The following PPHLN1 variants were observed in gnomAD, a reference collection of about 807,000 sequenced individuals.
PPHLN1 encodes periphilin 1, also known as periphilin-1.
Under a neutral mutation model 51.3 loss-of-function variants are expected in PPHLN1, and 29 were observed. The observed-to-expected ratio is 0.57, with a 90% CI of 0.42 to 0.77. PPHLN1 has a LOEUF of 0.77. Ranked by LOEUF, PPHLN1 falls within the 30% of genes least tolerant of loss-of-function variation. PPHLN1 has a pLI of 0.00. For synonymous variants in PPHLN1, 147 were observed against 147.8 expected (o/e 0.99, Z 0.04); for missense variants, 436 against 438.4 (o/e 0.99, Z 0.05).
intron 6 of PPHLN1, among the ~76,000 whole-genome samples, chr12:42,385,748 T>A (rs924889415): frequency 4.6e-5 from 7 of 152,194 alleles, no homozygotes; most frequent in Non-Finnish European, 7.3e-5. Flanking sequence ...AAAGTGAGGT[T>A]CATCTTTTTA....
intron 9 of PPHLN1, among the ~76,000 whole-genome samples, chr12:42,409,909 TTTATA>T (rs1206813469): frequency 6.6e-6 from 1 of 152,120 alleles, no homozygotes; most frequent in Non-Finnish European, 1.5e-5. Flanking sequence ...GTTCTCCAGT[TTTATA>T]TTATATCTCT....
chr12:42,420,068 G>T lies in PPHLN1; in HGVS notation c.909+21074G>T, dbSNP rs150538363. On this transcript the variant is annotated intron_variant, in intron 9 of 9. Coordinates refer to ENST00000358314, the MANE Select transcript of PPHLN1 (RefSeq NM_201439.2). The stretch of plus-strand genomic sequence containing the variant: ...CTTTGCCATCAAAAAATAGAGTACA[G>T]AATGCAGCTGCTACACAATTGAGCT... Among the ~76,000 whole-genome samples, 1,231 of 152,246 alleles carry T rather than the reference G, an allele frequency of 8.1e-3. 12 individuals carry two copies. The highest frequency in any genetic ancestry group is 0.031 in the Middle Eastern group (9 of 294).
At chr12:42,431,964 A>G in intron 9 of PPHLN1, 4 of 1,489,730 alleles carry the variant, frequency 2.7e-6, no homozygotes, top group Non-Finnish European at 3.8e-6. Context: ...ATTTGCTGGC[A>G]TCAGTGTCTG....
At chr12:42,446,027 C>T (rs1265765928), downstream of PPHLN1, 5 of 1,549,664 alleles carry the variant, frequency 3.2e-6, no homozygotes, top group Non-Finnish European at 8.7e-7. Flanking sequence ...GGGGCTAGGA[C>T]CCAACCAAGT....
intron 9 of PPHLN1, among the ~76,000 whole-genome samples, chr12:42,417,519 G>A (rs1019425971): frequency 5.9e-5 from 9 of 152,076 alleles, no homozygotes; most frequent in Admixed American, 3.9e-4. Flanking sequence ...AAGTCAACAA[G>A]AGAGACTAAG....
At position 42,417,798 on chromosome 12, in the gene PPHLN1, G is replaced by C. The variant is rs577608888; in HGVS notation, c.909+18804G>C. On this transcript the variant is annotated intron_variant, in intron 9 of 9. Transcript: ENST00000358314. The stretch of plus-strand genomic sequence containing the variant: ...AAGTTCGACCAGTTCTGAGTAACTA[G>C]ATTATTGGGACATTTCAAAATTAAA... Among the ~76,000 whole-genome samples, 32 of 150,902 alleles carry C rather than the reference G, an allele frequency of 2.1e-4. No individual in the cohort carries two copies. In the South Asian group the frequency reaches 5.9e-3, roughly 28 times the overall value.
intron 4 of PPHLN1, among the ~76,000 whole-genome samples, chr12:42,359,855 C>G (rs1440422928): frequency 6.6e-6 from 1 of 152,062 alleles, no homozygotes; most frequent in African/African-American, 2.4e-5. Context: ...CGCCTGTAAT[C>G]CCAACATTTT....
chr12:42,404,793 G>A (rs1009891351), intron 9 of PPHLN1, among the ~76,000 whole-genome samples: 7 of 152,186 alleles, frequency 4.6e-5, no homozygotes, highest in South Asian at 2.1e-4. Flanking sequence ...ACTTTGGGAG[G>A]CTGAAGCAGG....
chr12:42,391,632 A>T (rs78547029), intron 7 of PPHLN1, among the ~76,000 whole-genome samples: 4,222 of 152,188 alleles, frequency 0.028, 218 homozygotes, highest in African/African-American at 0.097. Context: ...CCCCTGGAAA[A>T]AAAAACAACT....
At chr12:42,445,214 C>T (rs191868459), downstream of PPHLN1, 150 of 677,102 alleles carry the variant, frequency 2.2e-4, 1 homozygote, top group East Asian at 3.9e-3. Context: ...ATCAAGCAGA[C>T]CTGCAGGTTA....
At chr12:42,326,251 C>G (rs1036057526) in intron 1 of PPHLN1, 22 bp downstream of exon 1, 6 of 152,158 alleles carry the variant, frequency 3.9e-5, no homozygotes, top group African/African-American at 1.4e-4. Context: ...TTACCTTTCC[C>G]AGAGATGGAT....
chr12:42,442,667 GT>G, downstream of PPHLN1: 1 of 1,614,086 alleles, frequency 6.2e-7, no homozygotes, highest in Non-Finnish European at 8.5e-7. Flanking sequence ...TTGGCAGCAG[GT>G]ACCCCCTGTG....
intron 4 of PPHLN1, among the ~76,000 whole-genome samples, chr12:42,357,826 C>T (rs1194903140): frequency 6.6e-6 from 1 of 151,780 alleles, no homozygotes; most frequent in Non-Finnish European, 1.5e-5. Flanking sequence ...TTAGTGTATC[C>T]ACCACTTGAA....
intron 2 of PPHLN1, among the ~76,000 whole-genome samples, chr12:42,350,770 C>T (rs2073213787): frequency 6.6e-6 from 1 of 152,132 alleles, no homozygotes; most frequent in Non-Finnish European, 1.5e-5. Context: ...GGAGACCAGC[C>T]CGGCCAACAC....
At chr12:42,432,136 G>T in intron 9 of PPHLN1, 2 of 1,142,626 alleles carry the variant, frequency 1.8e-6, no homozygotes, top group African/African-American at 1.5e-5. Flanking sequence ...CTGTCACGCT[G>T]ATGTCGGCTG....
chr12:42,446,210 C>T (rs1278290552), downstream of PPHLN1: 1 of 1,612,760 alleles, frequency 6.2e-7, no homozygotes, highest in African/African-American at 1.3e-5. Flanking sequence ...TGAGAGGATC[C>T]TGCTCCGAAC....
chr12:42,446,643 C>A, downstream of PPHLN1: 1 of 1,612,310 alleles, frequency 6.2e-7, no homozygotes, highest in East Asian at 2.2e-5. Context: ...AAAACTGTTG[C>A]TGCACACATC....
At chr12:42,444,983 A>G (rs2083226903), downstream of PPHLN1, 6 of 691,584 alleles carry the variant, frequency 8.7e-6, no homozygotes, top group South Asian at 7.6e-5. Context: ...TGGCCCTAGA[A>G]ACTTTTTCTG....
chr12:42,363,596 G>A (rs544544497), intron 4 of PPHLN1, among the ~76,000 whole-genome samples: 1 of 151,838 alleles, frequency 6.6e-6, no homozygotes, highest in East Asian at 1.9e-4. Flanking sequence ...GCTAATGGAA[G>A]AAAAGAGAAT....
Sources: gnomAD v4.1 joint callset for allele counts (sites outside exome capture counted in the v4.1 genomes callset) on GRCh38, gnomAD v4.1.1 for gene constraint, MANE v1.5 for transcripts, NCBI Gene and HGNC (gene_info 2026-07-23, HGNC 2026-07-21) for gene names.